CLEC16A: variants seen among roughly 807,000 people sequenced by gnomAD.
CLEC16A encodes protein CLEC16A.
In CLEC16A, 51 loss-of-function variants were observed where a neutral mutation model predicts 109.5. The observed-to-expected ratio is 0.47, with a 90% confidence interval of 0.37 to 0.59. CLEC16A has a LOEUF of 0.59. Among genes scored for constraint, CLEC16A ranks in the 20% least tolerant of loss-of-function variants. The pLI is 0.00. For synonymous variants in CLEC16A, 673 were observed against 564.2 expected (o/e 1.19, Z -2.73); for missense variants, 1,339 against 1,394.0 (o/e 0.96, Z 0.63).
chr16:11,008,646 T>C (rs754814847), intron 11 of CLEC16A, among the ~76,000 whole-genome samples: 3 of 151,298 alleles, frequency 2.0e-5, no homozygotes, highest in Non-Finnish European at 2.9e-5. Context: ...GTAAAATACG[T>C]ATAACAAAAT....
chr16:11,108,287 C>G (rs1406942440), intron 19 of CLEC16A, among the ~76,000 whole-genome samples: 1 of 152,256 alleles, frequency 6.6e-6, no homozygotes, highest in African/African-American at 2.4e-5. Context: ...AGAAGAGAGA[C>G]AGCATTTCCT....
intron 10 of CLEC16A, among the ~76,000 whole-genome samples, chr16:10,994,826 G>C (rs1285396497): frequency 6.6e-6 from 1 of 152,220 alleles, no homozygotes; most frequent in East Asian, 1.9e-4. Context: ...CTGTTTCTCT[G>C]ATTAGTGTGA....
chr16:11,025,706 A>G (rs1406122728), intron 13 of CLEC16A, among the ~76,000 whole-genome samples: 1 of 152,010 alleles, frequency 6.6e-6, no homozygotes, highest in African/African-American at 2.4e-5. Flanking sequence ...GGTTTTACTA[A>G]GACAGCCTAT....
intron 19 of CLEC16A, among the ~76,000 whole-genome samples, chr16:11,094,863 G>T (rs2050516164): frequency 6.6e-6 from 1 of 152,194 alleles, no homozygotes; most frequent in African/African-American, 2.4e-5. Flanking sequence ...GTAGCAGGGG[G>T]CTATTTAAAG....
At chr16:11,007,675 G>C (rs1174721707) in intron 11 of CLEC16A, among the ~76,000 whole-genome samples, 4 of 152,230 alleles carry the variant, frequency 2.6e-5, no homozygotes, top group Non-Finnish European at 5.9e-5. Context: ...ACAGCAATTT[G>C]AGTGTGGTTG....
intron 22 of CLEC16A, among the ~76,000 whole-genome samples, chr16:11,147,331 A>G (rs1409855964): frequency 6.6e-6 from 1 of 152,232 alleles, no homozygotes; most frequent in Non-Finnish European, 1.5e-5. Flanking sequence ...TCGCATCATT[A>G]GTACAAAAGG....
chr16:11,036,152 A>T (rs1396150649), intron 13 of CLEC16A: 2 of 152,416 alleles, frequency 1.3e-5, no homozygotes, highest in Non-Finnish European at 2.9e-5. Flanking sequence ...AGGGGAATGG[A>T]ACCACCCCAG....
intron 11 of CLEC16A, among the ~76,000 whole-genome samples, chr16:11,013,700 A>C (rs914867378): frequency 6.6e-6 from 1 of 152,206 alleles, no homozygotes; most frequent in Non-Finnish European, 1.5e-5. Context: ...CAGAGGTTGC[A>C]GTGAGCCAAG....
rs1442395952 is a variant in CLEC16A at position 11,174,063 on chromosome 16, CGTCCGCTGCTGCTCAGT to C, written c.2807-4267_2807-4251del. On this transcript the variant is annotated intron_variant, in intron 23 of 23. Coordinates refer to ENST00000409790, the MANE Select transcript of CLEC16A (RefSeq NM_015226.3). This position sits in a 1 kb window ranked among gnomAD's most constrained non-coding sequence, Gnocchi z 4.7. The stretch of plus-strand genomic sequence containing the variant: ...ACCCTCGCCCCTCGTCAGTGCTCAG[CGTCCGCTGCTGCTCAGT>C]GTCCCCTCCATGTCGCCTCTGCCGT... 4.9e-6 allele frequency: 2 copies of C among 408,202 alleles called. No homozygotes were observed. Among genetic ancestry groups the C allele is most frequent in the Non-Finnish European group, 1.0e-5 (2 of 194,478 alleles). The allele number at this position is 408,202 out of a possible 1,614,324, so 25.3% of individuals were successfully genotyped here.
At chr16:11,114,178 T>TGTGTGTGTGTGTG (rs1567337380) in intron 19 of CLEC16A, among the ~76,000 whole-genome samples, 28 of 145,402 alleles carry the variant, frequency 1.9e-4, no homozygotes, top group East Asian at 4.0e-4. Flanking sequence ...TGTGTGTGTG[T>TGTGTGTGTGTGTG]TTATTGGCAA....
intron 11 of CLEC16A, 81 bp downstream of exon 11, chr16:11,003,386 C>T: frequency 1.8e-6 from 2 of 1,096,854 alleles, no homozygotes; most frequent in South Asian, 1.4e-5. Context: ...GCCCTCTCCA[C>T]CCAGACTTCT....
rs79630905 is a variant in CLEC16A at position 11,025,589 on chromosome 16, G to C, written c.1537+668G>C. ...AGAATCTCTTCAAAGAAGAATTCAG[G>C]AATATTCCTTCTAACCCCTGCCAAG... On this transcript the variant is annotated intron_variant, in intron 13 of 23. Coordinates refer to ENST00000409790, the MANE Select transcript of CLEC16A (RefSeq NM_015226.3). Among the ~76,000 whole-genome samples the C allele has an allele frequency of 1.8e-3, 277 of 152,286 alleles. 2 individuals carry two copies. The highest frequency in any genetic ancestry group is 2.8e-3 in the Non-Finnish European group (191 of 68,018).
At chr16:11,012,037 A>G (rs371956495) in intron 11 of CLEC16A, among the ~76,000 whole-genome samples, 5 of 152,242 alleles carry the variant, frequency 3.3e-5, no homozygotes, top group South Asian at 4.1e-4. Context: ...GCCCACCCCA[A>G]TACTTTACTT....
At chr16:10,979,490 C>A (rs902017981) in intron 9 of CLEC16A, 108 bp downstream of exon 9, 6 of 966,082 alleles carry the variant, frequency 6.2e-6, no homozygotes, top group African/African-American at 1.6e-5. Flanking sequence ...TCTGTCCCCC[C>A]CATGCTGGAG....
intron 19 of CLEC16A, among the ~76,000 whole-genome samples, chr16:11,076,555 C>T (rs951462876): frequency 1.3e-5 from 2 of 152,196 alleles, no homozygotes; most frequent in Admixed American, 6.5e-5. Context: ...CGCCCACCTT[C>T]CCCAGTGAAC....
intron 1 of CLEC16A, among the ~76,000 whole-genome samples, chr16:10,948,570 G>A (rs1242766712): frequency 6.6e-6 from 1 of 152,154 alleles, no homozygotes; most frequent in African/African-American, 2.4e-5. Context: ...TCTTTACCAG[G>A]GACTGCAAGT....
chr16:11,021,523 C>T (rs996125464), intron 12 of CLEC16A, among the ~76,000 whole-genome samples: 1 of 152,206 alleles, frequency 6.6e-6, no homozygotes, highest in Non-Finnish European at 1.5e-5. Context: ...TTAGGCCAGG[C>T]ATGGTTGTTC....
At position 10,971,257 on chromosome 16, in the gene CLEC16A, C is replaced by T. The variant is rs567150021; in HGVS notation, c.598+27C>T. On this transcript the variant is annotated intron_variant, in intron 5 of 23. Transcript: ENST00000409790. The stretch of plus-strand genomic sequence containing the variant: ...TAAGTGTCCTCATGGGCTTGTGTCT[C>T]GGCTGATTTCTGACTTGGCAGCAAG... 8.5e-6 allele frequency: 13 copies of T among 1,523,970 alleles called. No individual in the cohort carries two copies. In the East Asian group the frequency reaches 1.1e-4, roughly 13 times the overall value. 94.4% of individuals were successfully genotyped at this position (1,523,970 alleles called of 1,614,324 possible).
intron 19 of CLEC16A, among the ~76,000 whole-genome samples, chr16:11,116,157 A>G (rs1485016405): frequency 1.3e-5 from 2 of 152,086 alleles, no homozygotes; most frequent in African/African-American, 4.8e-5. Context: ...TGGGAGGTCA[A>G]GGCAGGCGGA....
Sources: gnomAD v4.1 joint callset for allele counts (sites outside exome capture counted in the v4.1 genomes callset) on GRCh38, gnomAD v4.1.1 for gene constraint, Gnocchi (gnomAD v3.1) non-coding constraint, MANE v1.5 for transcripts, NCBI Gene and HGNC (gene_info 2026-07-23, HGNC 2026-07-21) for gene names.